SLC38A9: variants seen among roughly 807,000 people sequenced by gnomAD.
SLC38A9 encodes neutral amino acid transporter 9.
Under a neutral mutation model 62.3 loss-of-function variants are expected in SLC38A9, and 48 were observed. That is an observed-to-expected ratio of 0.77 (90% CI 0.61 to 0.98). The LOEUF (loss-of-function observed/expected upper bound fraction) is 0.98. Ranked by LOEUF, SLC38A9 falls within the 50% of genes least tolerant of loss-of-function variation. SLC38A9 has a pLI of 0.00. For synonymous variants in SLC38A9, 204 were observed against 227.7 expected (o/e 0.90, Z 0.94); for missense variants, 541 against 679.8 (o/e 0.80, Z 2.27).
At chr5:55,705,708 CTCT>C (rs1353523375) in intron 2 of SLC38A9, among the ~76,000 whole-genome samples, 1 of 104,102 alleles carries the variant, frequency 9.6e-6, no homozygotes, top group East Asian at 2.3e-4. Context: ...TGGCCTTAAA[CTCT>C]TTTTTTTTTT....
At position 55,672,492 on chromosome 5, in the gene SLC38A9, TGCCCTG is replaced by T. The variant is rs1580282524; in HGVS notation, c.246+65_246+70del. The T allele has an allele frequency of 7.2e-6, 11 of 1,529,926 alleles. No homozygotes were observed. The East Asian group carries it at 2.5e-4, about 35-fold the overall frequency. The allele number at this position is 1,529,926 out of a possible 1,614,324, so 94.8% of individuals were successfully genotyped here. A position where few individuals can be genotyped will look rare whatever the true frequency, so the allele number is the denominator to read the frequency against. On this transcript the variant is annotated intron_variant, in intron 4 of 15. Coordinates refer to ENST00000396865, the MANE Select transcript of SLC38A9 (RefSeq NM_173514.4). Reference sequence around the variant, plus strand: ...AGAAAGAAGTTCAATCACTGGGAGGTGCCCTGGCTTATATTGTTCACTGTTCATTTC... The same window carrying T: ...AGAAAGAAGTTCAATCACTGGGAGGTGCTTATATTGTTCACTGTTCATTTC...
chr5:55,656,502 A>G (rs1748445054), intron 9 of SLC38A9, among the ~76,000 whole-genome samples: 1 of 152,174 alleles, frequency 6.6e-6, no homozygotes, highest in African/African-American at 2.4e-5. Context: ...TGCCTAGCTC[A>G]CATTAATACA....
At chr5:55,635,817 TAAAAC>T (rs1244289052) in intron 12 of SLC38A9, among the ~76,000 whole-genome samples, 160 bp from the exon 13 acceptor site, 2 of 152,184 alleles carry the variant, frequency 1.3e-5, no homozygotes, top group Admixed American at 6.5e-5. Flanking sequence ...AGAAAGTAGT[TAAAAC>T]AAAATCCACA....
At chr5:55,683,700 A>T (rs1416630281) in intron 3 of SLC38A9, among the ~76,000 whole-genome samples, 1 of 152,210 alleles carries the variant, frequency 6.6e-6, no homozygotes, top group African/African-American at 2.4e-5. Context: ...TCTTTGTGAC[A>T]TTCACCCATA....
intron 3 of SLC38A9, among the ~76,000 whole-genome samples, chr5:55,682,365 G>C (rs1232378297): frequency 6.6e-6 from 1 of 152,124 alleles, no homozygotes; most frequent in Non-Finnish European, 1.5e-5. Flanking sequence ...ATTACATATG[G>C]CCTCATTCCA....
intron 3 of SLC38A9, among the ~76,000 whole-genome samples, chr5:55,674,021 A>C (rs1374243479): frequency 1.3e-5 from 2 of 152,208 alleles, no homozygotes; most frequent in Non-Finnish European, 2.9e-5. Context: ...CGTTAATCTA[A>C]TCTTGTGGGA....
At chr5:55,635,795 CAA>C in intron 12 of SLC38A9, 138 bp from the exon 13 acceptor site, 1 of 590,978 alleles carries the variant, frequency 1.7e-6, no homozygotes, top group Non-Finnish European at 3.0e-6. Context: ...TCTAGATATT[CAA>C]TTTGTTCACA....
intron 9 of SLC38A9, 92 bp downstream of exon 9, chr5:55,656,623 G>A (rs2150223563): frequency 6.0e-6 from 5 of 830,422 alleles, no homozygotes; most frequent in Non-Finnish European, 6.1e-6. Context: ...TCTACTAATC[G>A]TTTACCTAAA....
At chr5:55,691,933 G>A (rs182032880) in intron 3 of SLC38A9, among the ~76,000 whole-genome samples, 181 of 152,270 alleles carry the variant, frequency 1.2e-3, no homozygotes, top group African/African-American at 4.1e-3. Context: ...CCACTAAAAG[G>A]ATAAGCGAAC....
chr5:55,663,188 C>T (rs1445639039), intron 8 of SLC38A9, among the ~76,000 whole-genome samples: 1 of 151,214 alleles, frequency 6.6e-6, no homozygotes, highest in African/African-American at 2.4e-5. Context: ...GGCCACCGTG[C>T]CTGGCCTGTG....
chr5:55,630,349 G>A (rs1389939156), intron 14 of SLC38A9, among the ~76,000 whole-genome samples: 1 of 151,666 alleles, frequency 6.6e-6, no homozygotes. Context: ...ATGGAGTCTC[G>A]CTCTGTCACC....
chr5:55,661,420 G>A (rs1167564828), intron 8 of SLC38A9, among the ~76,000 whole-genome samples: 2 of 122,474 alleles, frequency 1.6e-5, no homozygotes, highest in Non-Finnish European at 3.2e-5. Flanking sequence ...ACTCAAGCCT[G>A]GGTGACAGAG....
chr5:55,627,087 C>T (rs962121263), intron 15 of SLC38A9, among the ~76,000 whole-genome samples: 15 of 152,064 alleles, frequency 9.9e-5, no homozygotes, highest in African/African-American at 2.4e-4. Flanking sequence ...AGCATGATTA[C>T]GAAAGATAAT....
intron 8 of SLC38A9, among the ~76,000 whole-genome samples, chr5:55,663,593 T>C (rs971534738): frequency 2.6e-5 from 4 of 151,512 alleles, no homozygotes; most frequent in East Asian, 3.9e-4. Context: ...ATTAGCTGAG[T>C]GTTACCGCGG....
intron 3 of SLC38A9, among the ~76,000 whole-genome samples, chr5:55,676,613 C>T (rs896069913): frequency 2.0e-5 from 3 of 152,126 alleles, no homozygotes; most frequent in Non-Finnish European, 2.9e-5. Context: ...TATTTTGTAT[C>T]ATACAGAAAT....
chr5:55,634,697 T>C (rs1316756529), intron 13 of SLC38A9: 4 of 152,164 alleles, frequency 2.6e-5, no homozygotes, highest in Non-Finnish European at 4.4e-5. Flanking sequence ...CAAACTTATT[T>C]CTCTTATAAA....
rs185916938 is a variant in SLC38A9 at position 55,674,684 on chromosome 5, G to C, written c.114-1989C>G. 4.5e-4 allele frequency among the ~76,000 whole-genome samples: 69 copies of C among 152,254 alleles called. 1 individual carries two copies. The highest frequency in any genetic ancestry group is 3.5e-3 in the Admixed American group (54 of 15,294). ...GTATTCTGTTACAGCAGAATAAAAG[G>C]AACTAAGACAATAAGCATATTATTG... is the stretch of plus-strand genomic sequence containing the variant. On this transcript the variant is annotated intron_variant, in intron 3 of 15. Transcript: ENST00000396865.
intron 2 of SLC38A9, among the ~76,000 whole-genome samples, chr5:55,707,929 A>C (rs1419927532): frequency 6.6e-6 from 1 of 152,174 alleles, no homozygotes; most frequent in Non-Finnish European, 1.5e-5. Flanking sequence ...CCCCCATGTG[A>C]GGACACAGCA....
At chr5:55,639,983 CTTTTTTTTT>C (rs36073153) in intron 12 of SLC38A9, among the ~76,000 whole-genome samples, 4 of 98,466 alleles carry the variant, frequency 4.1e-5, no homozygotes, top group African/African-American at 7.7e-5. Flanking sequence ...TAAACCTTTG[CTTTTTTTTT>C]TTTTTTTTTT....
Sources: allele counts gnomAD v4.1 joint callset (sites outside exome capture counted in the v4.1 genomes callset), GRCh38; gene constraint gnomAD v4.1.1; transcripts MANE v1.5; gene names NCBI Gene and HGNC (gene_info 2026-07-23, HGNC 2026-07-21).